The following ABCA13 variants were observed in gnomAD, a reference collection of about 807,000 sequenced individuals.
The protein encoded by ABCA13 is ATP-binding cassette sub-family A member 13.
ABCA13 carries 476 observed loss-of-function variants against 478.7 expected under a neutral mutation model. The ratio of observed to expected loss-of-function variants is 0.99; its 90% CI spans 0.92 to 1.07. The LOEUF is 1.07. ABCA13 is among the 50% of genes least tolerant of loss of function. The probability of loss-of-function intolerance (pLI) is 0.00; values close to 1 mark genes in which losing one functional copy is unlikely to be tolerated. For missense variants in ABCA13, 6,060 were observed against 5,910.6 expected (o/e 1.03, Z -0.83); for synonymous variants, 2,252 against 2,158.9 (o/e 1.04, Z -1.20).
chr7:48,233,892 C>T (rs1011093462), intron 7 of ABCA13, 126 bp from the exon 8 acceptor site: 4 of 1,017,544 alleles, frequency 3.9e-6, no homozygotes, highest in Non-Finnish European at 4.3e-6. Context: ...TCTGATGCCC[C>T]AGTGGTGTTT....
At chr7:48,609,902 C>T (rs1791855141) in intron 58 of ABCA13, among the ~76,000 whole-genome samples, 1 of 152,142 alleles carries the variant, frequency 6.6e-6, no homozygotes, top group African/African-American at 2.4e-5. Context: ...CCGGCCAGGC[C>T]CTTCCACCAA....
At position 48,398,318 on chromosome 7, in the gene ABCA13, G is replaced by C. The variant is rs150904002; in HGVS notation, c.11874-5365G>C. On this transcript the variant is annotated intron_variant, in intron 38 of 61. Coordinates refer to ENST00000435803, the MANE Select transcript of ABCA13 (RefSeq NM_152701.5). ...GCTACATTTGCTTCATCTTTTTTTGGGTGCCAGGCAACCTTAATGATTATC... is the reference window on the plus strand; with the variant it reads ...GCTACATTTGCTTCATCTTTTTTTGCGTGCCAGGCAACCTTAATGATTATC... Among the ~76,000 whole-genome samples the C allele has an allele frequency of 2.4e-3, 359 of 152,054 alleles. 1 individual carries two copies. The highest frequency in any genetic ancestry group is 8.4e-3 in the African/African-American group (347 of 41,482).
At position 48,279,812 on chromosome 7, in the gene ABCA13, T is replaced by C. The variant is rs1193888691; in HGVS notation, c.8618T>C (p.Met2873Thr). ...SEKEERTKKE[M>T]IDFPYSFKPF... ...AAAGAAGAGAGAACCAAGAAAGAGA[T>C]GATTGACTTTCCTTATAGTTTCAAA... The change falls in exon 18 of 62, where the codon ATG becomes ACG. Residue 2873 changes from methionine (M) to threonine (T), a missense_variant. By Grantham distance (81) the Met-to-Thr change is moderately conservative. Around this residue, in one of 3 missense-constraint regions of ABCA13, gnomAD observed 4,423 missense variants for 4,309.1 expected, o/e 1.03. Transcript: ENST00000435803. 3.1e-6 allele frequency: 5 copies of C among 1,598,360 alleles called. No individual in the cohort carries two copies. Among genetic ancestry groups the C allele is most frequent in the Middle Eastern group, 3.3e-4 (2 of 5,972 alleles).
chr7:48,623,177 T>C (rs1586017320), intron 59 of ABCA13, among the ~76,000 whole-genome samples: 2 of 152,344 alleles, frequency 1.3e-5, no homozygotes, highest in South Asian at 4.1e-4. Flanking sequence ...CTTGTTGACA[T>C]GTCTTTTGGC....
At chr7:48,534,162 G>C (rs1166441746) in intron 55 of ABCA13, among the ~76,000 whole-genome samples, 2 of 152,030 alleles carry the variant, frequency 1.3e-5, no homozygotes, top group Non-Finnish European at 2.9e-5. Context: ...TTGTAGAGTG[G>C]GGCTGGTAGT....
intron 58 of ABCA13, among the ~76,000 whole-genome samples, chr7:48,608,504 G>A (rs1563500728): frequency 6.6e-6 from 1 of 152,200 alleles, no homozygotes; most frequent in Non-Finnish European, 1.5e-5. Flanking sequence ...CTACATCCAC[G>A]TAATTCCAGT....
rs138006460 is a variant in ABCA13 at position 48,402,833 on chromosome 7, A to G, written c.11874-850A>G. Among the ~76,000 whole-genome samples the G allele has an allele frequency of 2.1e-3, 320 of 152,334 alleles. 1 individual carries two copies. Among genetic ancestry groups the G allele is most frequent in the African/African-American group, 7.5e-3 (310 of 41,560 alleles). Reference sequence around the variant, plus strand: ...TGACTTCAGCTGCTGGCTATCAGGAAGGTAGAAACATGCCTGCAGCTCCGA... The same window carrying G: ...TGACTTCAGCTGCTGGCTATCAGGAGGGTAGAAACATGCCTGCAGCTCCGA... On this transcript the variant is annotated intron_variant, in intron 38 of 61. Coordinates refer to ENST00000435803, the MANE Select transcript of ABCA13 (RefSeq NM_152701.5).
chr7:48,428,439 T>A (rs1194551966), intron 42 of ABCA13, among the ~76,000 whole-genome samples: 1 of 152,164 alleles, frequency 6.6e-6, no homozygotes, highest in Non-Finnish European at 1.5e-5. Context: ...CCTGGCATAT[T>A]TATTAGCAGC....
chr7:48,401,744 A>AAC (rs55694821), intron 38 of ABCA13, among the ~76,000 whole-genome samples: 19,643 of 143,896 alleles, frequency 0.14, 1,897 homozygotes, highest in African/African-American at 0.28. Flanking sequence ...AGAATTTTAA[A>AAC]ACACACACAC....
intron 58 of ABCA13, among the ~76,000 whole-genome samples, chr7:48,596,729 T>C (rs543790871): frequency 1.2e-3 from 179 of 151,428 alleles, no homozygotes; most frequent in African/African-American, 4.2e-3. Flanking sequence ...GACCGGGAGG[T>C]GGAGCTTGCA....
Position 48,543,329 on chromosome 7 carries a change from A to G in ABCA13, c.14354+14984A>G, listed in dbSNP as rs188514637. 3.9e-5 allele frequency among the ~76,000 whole-genome samples: 6 copies of G among 151,996 alleles called. No homozygotes were observed. The East Asian group carries it at 7.7e-4, about 20-fold the overall frequency. ...TGATAAGGAAAAGACTACAATTACA[A>G]TACAAATAGGCTAGCTGGGCACGGT... On this transcript the variant is annotated intron_variant, in intron 55 of 61. Transcript: ENST00000435803.
chr7:48,614,723 A>G lies in ABCA13; in HGVS notation c.14745-562A>G, dbSNP rs932266659. Among the ~76,000 whole-genome samples, 8 of 150,666 alleles carry G rather than the reference A, an allele frequency of 5.3e-5. 1 individual carries two copies. Among genetic ancestry groups the G allele is most frequent in the Non-Finnish European group, 8.9e-5 (6 of 67,400 alleles). ...TGCAGCCATAAAAAATGATGAGTTCATGTCCTTTGTAGGGACATGGATGAA... is the reference window on the plus strand; with the variant it reads ...TGCAGCCATAAAAAATGATGAGTTCGTGTCCTTTGTAGGGACATGGATGAA... On this transcript the variant is annotated intron_variant, in intron 58 of 61. Coordinates refer to ENST00000435803, the MANE Select transcript of ABCA13 (RefSeq NM_152701.5).
chr7:48,575,411 T>C (rs1044578886), intron 55 of ABCA13, among the ~76,000 whole-genome samples: 5 of 152,300 alleles, frequency 3.3e-5, no homozygotes, highest in Non-Finnish European at 7.4e-5. Context: ...ATTTGAAAGA[T>C]AGGAGAATAT....
chr7:48,318,750 G>A (rs965809191), intron 27 of ABCA13, among the ~76,000 whole-genome samples: 1 of 151,656 alleles, frequency 6.6e-6, no homozygotes, highest in African/African-American at 2.4e-5. Context: ...AGCTTTTTAG[G>A]GTTTTGGATA....
intron 53 of ABCA13, among the ~76,000 whole-genome samples, chr7:48,523,405 A>G (rs1832686507): frequency 6.6e-6 from 1 of 152,084 alleles, no homozygotes; most frequent in Admixed American, 6.6e-5. Context: ...AATAATCAGA[A>G]GAAGTTGTAA....
chr7:48,517,547 G>A (rs1832223300), intron 52 of ABCA13, among the ~76,000 whole-genome samples: 1 of 152,082 alleles, frequency 6.6e-6, no homozygotes, highest in Non-Finnish European at 1.5e-5. Flanking sequence ...CTAGGTCAAG[G>A]TGAACCCATT....
chr7:48,478,454 T>C (rs2130481042), intron 45 of ABCA13, among the ~76,000 whole-genome samples: 1 of 152,010 alleles, frequency 6.6e-6, no homozygotes, highest in African/African-American at 2.4e-5. Flanking sequence ...GCAGATTAAT[T>C]GGAGAAAAGG....
At chr7:48,397,043 AT>A in intron 38 of ABCA13, among the ~76,000 whole-genome samples, 1 of 152,242 alleles carries the variant, frequency 6.6e-6, no homozygotes, top group East Asian at 1.9e-4. Flanking sequence ...GTCCTTTTAT[AT>A]TTGAATTATT....
chr7:48,530,152 A>G (rs1833126730), intron 55 of ABCA13, among the ~76,000 whole-genome samples: 1 of 152,040 alleles, frequency 6.6e-6, no homozygotes, highest in Admixed American at 6.6e-5. Flanking sequence ...GTGTCCTAAT[A>G]GCTTAACTTA....
Sources: gnomAD v4.1 joint callset for allele counts (sites outside exome capture counted in the v4.1 genomes callset) on GRCh38, gnomAD v4.1.1 for gene constraint, gnomAD v4.1.1 regional missense constraint, MANE v1.5 for transcripts, NCBI Gene and HGNC (gene_info 2026-07-23, HGNC 2026-07-21) for gene names.